Variants in CD82 observed in about 807,000 individuals in gnomAD.
CD82 encodes the protein CD82 molecule.
CD82 carries 36 observed loss-of-function variants against 37.4 expected under a neutral mutation model. The observed-to-expected ratio is 0.96, with a 90% CI of 0.74 to 1.27. CD82 has a LOEUF of 1.27. Among genes scored for constraint, CD82 ranks in the 50% most tolerant of loss-of-function variants. CD82 has a pLI of 0.00. For missense variants in CD82, 340 were observed against 347.0 expected (o/e 0.98, Z 0.16); for synonymous variants, 158 against 137.4 (o/e 1.15, Z -1.05).
rs374896443 is a variant in CD82 at position 44,619,344 on chromosome 11, C to T, written c.*218C>T. ...TGTTCTGTGGTTCCTCTGCTCACCGCCCATCAGGGTTCTCTTAGCAACTCA... is the reference window on the plus strand; with the variant it reads ...TGTTCTGTGGTTCCTCTGCTCACCGTCCATCAGGGTTCTCTTAGCAACTCA... On this transcript the variant is annotated 3_prime_UTR_variant, in exon 10 of 10. Coordinates refer to ENST00000227155, the MANE Select transcript of CD82 (RefSeq NM_002231.4). The T allele has an allele frequency of 1.8e-6, 1 of 566,154 alleles. No individual in the cohort carries two copies. The allele number at this position is 566,154 out of a possible 1,614,324, so 35.1% of individuals were successfully genotyped here. A position where few individuals can be genotyped will look rare whatever the true frequency, so the allele number is the denominator to read the frequency against.
At chr11:44,574,785 G>A (rs143639750) in intron 1 of CD82, among the ~76,000 whole-genome samples, 3 of 152,288 alleles carry the variant, frequency 2.0e-5, no homozygotes, top group African/African-American at 7.2e-5. Context: ...ACTGAGTGCT[G>A]TATAGGGAGG....
At chr11:44,603,919 A>G (rs1247512288) in intron 4 of CD82, among the ~76,000 whole-genome samples, 4 of 151,868 alleles carry the variant, frequency 2.6e-5, no homozygotes, top group Non-Finnish European at 5.9e-5. Flanking sequence ...CTTCTTTCCA[A>G]TCTTCAAATA....
intron 2 of CD82, among the ~76,000 whole-genome samples, chr11:44,593,914 A>T (rs936323401): frequency 6.6e-6 from 1 of 152,094 alleles, no homozygotes; most frequent in Non-Finnish European, 1.5e-5. Flanking sequence ...ACATATAGAG[A>T]GTGAAGATTG....
intron 1 of CD82, among the ~76,000 whole-genome samples, chr11:44,581,293 G>C (rs1172899023): frequency 6.6e-6 from 1 of 152,228 alleles, no homozygotes; most frequent in Non-Finnish European, 1.5e-5. Flanking sequence ...CAACCAGCAA[G>C]GTGACCTTGG....
rs1257131039 is a variant in CD82, at chr11:44,605,369, G to C, written c.276G>C (p.Leu92=). 1 of 1,614,210 alleles carries C rather than the reference G, an allele frequency of 6.2e-7. No homozygotes were observed. The highest frequency in any genetic ancestry group is 8.5e-7 in the Non-Finnish European group (1 of 1,180,038). Residue 92 remains leucine (L), a synonymous_variant, in exon 6 of 10, where the codon CTG becomes CTC. Transcript: ENST00000227155. ...TGTGTCCCCAGTACTTTGCTTTCCT[G>C]CTCCTGATCCTCATTGCCCAGGTGA... ...RCLLGLYFAF[L]LLILIAQVTA...
At chr11:44,618,470 C>A (rs1853601734) in intron 8 of CD82, 105 bp downstream of exon 8, 3 of 1,101,142 alleles carry the variant, frequency 2.7e-6, no homozygotes, top group Admixed American at 3.9e-5. Flanking sequence ...TCCCTTAATT[C>A]ATCTGTCATT....
intron 1 of CD82, among the ~76,000 whole-genome samples, chr11:44,571,146 G>A (rs1852809055): frequency 6.6e-6 from 1 of 152,198 alleles, no homozygotes; most frequent in Admixed American, 6.5e-5. Context: ...CCTGGTAGTT[G>A]GGCATTAGGA....
rs758448103 is a variant in CD82 at position 44,618,191 on chromosome 11, C to T, written c.468C>T (p.Tyr156=). ...QVKCCGWVSF[Y]NWTDNAELMN... is the part of the protein sequence containing the mutation. ...AGTGCTGCGGCTGGGTCAGCTTCTA[C>T]AACTGGACAGACAACGCTGAGCTCA... The change falls in exon 8 of 10, where the codon TAC becomes TAT. Residue 156 remains tyrosine (Y), a synonymous_variant. Coordinates refer to ENST00000227155, the MANE Select transcript of CD82 (RefSeq NM_002231.4). 1.7e-5 allele frequency: 28 copies of T among 1,613,988 alleles called. No homozygotes were observed. In the Middle Eastern group the frequency reaches 4.9e-4, roughly 28 times the overall value.
chr11:44,572,929 A>C (rs1852835082), intron 1 of CD82: 1 of 152,256 alleles, frequency 6.6e-6, no homozygotes, highest in Non-Finnish European at 1.5e-5. Context: ...CCGCCACAGG[A>C]CGTGCTGGAC....
chr11:44,568,461 A>G (rs1031188017), intron 1 of CD82, among the ~76,000 whole-genome samples: 2 of 136,864 alleles, frequency 1.5e-5, no homozygotes, highest in African/African-American at 5.5e-5. Context: ...TTGCCCATGA[A>G]GGGGAGGCAT....
Position 44,602,931 on chromosome 11 carries a change from G to A in CD82, c.137-2127G>A, listed in dbSNP as rs576905659. Among the ~76,000 whole-genome samples, 7 of 152,094 alleles carry A rather than the reference G, an allele frequency of 4.6e-5. No homozygotes were observed. In the East Asian group the frequency reaches 7.7e-4, roughly 17 times the overall value. The stretch of plus-strand genomic sequence containing the variant: ...CAGCCTGCTAGCCTTTCTGAGCCTC[G>A]GGGTCCTTGCAGACAAATCAGGATG... On this transcript the variant is annotated intron_variant, in intron 4 of 9. Transcript: ENST00000227155.
At chr11:44,588,213 TTTTTTTG>T (rs1477868728) in intron 2 of CD82, among the ~76,000 whole-genome samples, 1 of 125,450 alleles carries the variant, frequency 8.0e-6, no homozygotes, top group Non-Finnish European at 1.6e-5. Flanking sequence ...TTTGGGGTTT[TTTTTTTG>T]TTTTTTGTTT....
intron 6 of CD82, among the ~76,000 whole-genome samples, chr11:44,613,568 A>G (rs916045036): frequency 6.6e-6 from 1 of 152,130 alleles, no homozygotes; most frequent in African/African-American, 2.4e-5. Context: ...CAGGCCTGTA[A>G]TCCCAGCACA....
chr11:44,565,822 C>T (rs986291217), intron 1 of CD82, 86 bp downstream of exon 1: 6 of 152,240 alleles, frequency 3.9e-5, no homozygotes, highest in African/African-American at 1.4e-4. Flanking sequence ...CGGTCCGGCT[C>T]GGACAACTTT....
At chr11:44,583,950 C>G (rs560903079) in intron 1 of CD82, among the ~76,000 whole-genome samples, 1 of 152,190 alleles carries the variant, frequency 6.6e-6, no homozygotes, top group Non-Finnish European at 1.5e-5. Flanking sequence ...GATCCTGTGA[C>G]AGGGGACTCT....
At chr11:44,570,549 A>G (rs570941450) in intron 1 of CD82, among the ~76,000 whole-genome samples, 2 of 152,342 alleles carry the variant, frequency 1.3e-5, no homozygotes, top group African/African-American at 2.4e-5. Context: ...ACCACATACC[A>G]GGTGACTCCT....
intron 6 of CD82, among the ~76,000 whole-genome samples, chr11:44,610,938 G>A (rs1228051644): frequency 6.6e-6 from 1 of 151,992 alleles, no homozygotes; most frequent in Non-Finnish European, 1.5e-5. Flanking sequence ...GGGCTCAGGT[G>A]ATCCTCCTGC....
intron 2 of CD82, among the ~76,000 whole-genome samples, chr11:44,590,744 C>G (rs1255516085): frequency 3.3e-5 from 5 of 151,928 alleles, no homozygotes; most frequent in Non-Finnish European, 7.4e-5. Context: ...ATTTCTGTCT[C>G]ATGGATGGCA....
rs142423874 is a variant in CD82, at chr11:44,618,693, C to T, written c.696C>T (p.Leu232=). ...TGCAGGAGAACCTGGGCATCATCCT[C>T]GGCGTGGGCGTGGGTGTGGCCATCA... ...AWLQENLGII[L]GVGVGVAIIE... The change falls in exon 9 of 10, where the codon CTC becomes CTT. Residue 232 remains leucine, a synonymous_variant. Transcript: ENST00000227155. 2.0e-4 allele frequency: 318 copies of T among 1,613,394 alleles called. 1 individual carries two copies. Among genetic ancestry groups the T allele is most frequent in the East Asian group, 1.5e-3 (66 of 44,822 alleles).
Sources: gnomAD v4.1 joint callset for allele counts (sites outside exome capture counted in the v4.1 genomes callset) on GRCh38, gnomAD v4.1.1 for gene constraint, MANE v1.5 for transcripts, NCBI Gene and HGNC (gene_info 2026-07-23, HGNC 2026-07-21) for gene names.